The following HEATR5A variants were observed in gnomAD, a reference collection of about 807,000 sequenced individuals.
HEATR5A encodes HEAT repeat-containing protein 5A.
HEATR5A carries 178 observed loss-of-function variants against 218.8 expected under a neutral mutation model. The ratio of observed to expected loss-of-function variants is 0.81; its 90% CI spans 0.72 to 0.92. HEATR5A has a LOEUF of 0.92. Among genes scored for constraint, HEATR5A ranks in the 40% least tolerant of loss-of-function variants. The pLI is 0.00. For synonymous variants in HEATR5A, 864 were observed against 871.6 expected, an observed-to-expected ratio of 0.99 and a Z score of 0.15; for missense variants, 2,420 against 2,418.9, an observed-to-expected ratio of 1.00 and a Z score of -0.01.
At chr14:31,391,514 T>C (rs1410221886) in intron 6 of HEATR5A, among the ~76,000 whole-genome samples, 2 of 150,492 alleles carry the variant, frequency 1.3e-5, no homozygotes, top group Non-Finnish European at 2.9e-5. Flanking sequence ...TAAAAAACTT[T>C]TAGTAAACAA....
Position 31,323,910 on chromosome 14 carries a change from A to T in HEATR5A, c.3548-106T>A. ...TTCAAATTCAGACTAGAATTGCTCA[A>T]CTATCAATTGCTACTGATCAATCAT... On this transcript the variant is annotated intron_variant, in intron 23 of 35. Transcript: ENST00000543095. 4.3e-6 allele frequency: 3 copies of T among 700,718 alleles called. No homozygotes were observed. In the South Asian group the frequency reaches 6.3e-5, roughly 15 times the overall value. The allele number at this position is 700,718 out of a possible 1,614,324, so 43.4% of individuals were successfully genotyped here. A position where few individuals can be genotyped will look rare whatever the true frequency, so the allele number is the denominator to read the frequency against.
Position 31,293,328 on chromosome 14 carries a change from G to T in HEATR5A, c.6118C>A (p.Gln2040Lys). The T allele has an allele frequency of 6.3e-7, 1 of 1,591,532 alleles. No homozygotes were observed. The highest frequency in any genetic ancestry group is 8.5e-7 in the Non-Finnish European group (1 of 1,172,960). Residue 2040 changes from glutamine (Q) to lysine (K), a missense_variant, in exon 36 of 36, where the codon CAA (glutamine) becomes AAA (lysine). Transcript: ENST00000543095. ...TKSPGKNSSI[Q>K]LKTSFL ...AATCAGAGGAAACTGGTCTTTAATT[G>T]GATGCTTGAGTTTTTTCCAGGACTC...
intron 5 of HEATR5A, among the ~76,000 whole-genome samples, chr14:31,394,461 T>C (rs188196202): frequency 6.6e-5 from 10 of 152,166 alleles, no homozygotes; most frequent in East Asian, 1.9e-4. Context: ...CCACAGGTTA[T>C]GAAAAATGCC....
chr14:31,324,249 T>C (rs1290259199), intron 23 of HEATR5A, among the ~76,000 whole-genome samples: 2 of 152,138 alleles, frequency 1.3e-5, no homozygotes, highest in East Asian at 3.9e-4. Flanking sequence ...GGTTCCTGAA[T>C]CTACTGAAAT....
chr14:31,349,838 C>T lies in HEATR5A; in HGVS notation c.2659G>A (p.Val887Ile), dbSNP rs759393754. Residue 887 changes from valine to isoleucine, a missense_variant, in exon 18 of 36, where the codon GTA (valine) becomes ATA (isoleucine). By Grantham distance (29) the Val-to-Ile change is conservative (BLOSUM62 3). Transcript: ENST00000543095. ...AESWARLAQV[V>I]DDGAFTAGLA... ...CCAGCAGTAAAAGCTCCATCATCTA[C>T]CACTTGGGCTAATCTAGCCCATGAC... 11 of 1,613,102 alleles carry T rather than the reference C, an allele frequency of 6.8e-6. No individual in the cohort carries two copies. In the African/African-American group the frequency reaches 1.2e-4, roughly 18 times the overall value.
intron 22 of HEATR5A, among the ~76,000 whole-genome samples, chr14:31,331,034 T>G (rs1447433147): frequency 6.9e-6 from 1 of 145,372 alleles, no homozygotes; most frequent in African/African-American, 2.5e-5. Context: ...CTCTGCCTCC[T>G]GGGTTCAAAC....
chr14:31,307,803 G>A lies in HEATR5A; in HGVS notation c.4818+90C>T, dbSNP rs963500052. ...TGGTTTAGAAAAAAAATTTCTGTGT[G>A]TTTACTTTCTGTTAACTATAGAAAC... On this transcript the variant is annotated intron_variant, in intron 30 of 35. Transcript: ENST00000543095. 6 of 1,439,534 alleles carry A rather than the reference G, an allele frequency of 4.2e-6. No homozygotes were observed. The African/African-American group carries it at 5.8e-5, about 14-fold the overall frequency. The allele number at this position is 1,439,534 out of a possible 1,614,324, so 89.2% of individuals were successfully genotyped here.
intron 31 of HEATR5A, among the ~76,000 whole-genome samples, chr14:31,306,087 C>T (rs1337005602): frequency 6.6e-6 from 1 of 152,168 alleles, no homozygotes; most frequent in African/African-American, 2.4e-5. Flanking sequence ...GGATTTATTT[C>T]TTCCAGGTTT....
intron 22 of HEATR5A, among the ~76,000 whole-genome samples, chr14:31,336,068 C>A (rs1900641653): frequency 6.6e-6 from 1 of 150,476 alleles, no homozygotes; most frequent in African/African-American, 2.4e-5. Flanking sequence ...AACTCCTGGG[C>A]TCAAGCAATT....
Position 31,315,885 on chromosome 14 carries a change from T to G in HEATR5A, c.4103A>C (p.Gln1368Pro), listed in dbSNP as rs555852382. ...SDLNDLRRVHQLLVSSLTKIQ... is the reference protein window; with the variant it reads ...SDLNDLRRVHPLLVSSLTKIQ... ...TTTAGTTAACGATGAAACAAGCAAC[T>G]GATGAACTCTTCGGAGATCATTAAG... Residue 1368 changes from glutamine to proline, a missense_variant, in exon 27 of 36, where the codon CAG (glutamine) becomes CCG (proline). Transcript: ENST00000543095. 7 of 1,598,110 alleles carry G rather than the reference T, an allele frequency of 4.4e-6. No homozygotes were observed. In the East Asian group the frequency reaches 1.6e-4, roughly 36 times the overall value.
intron 11 of HEATR5A, among the ~76,000 whole-genome samples, chr14:31,379,873 A>G (rs1036119880): frequency 2.6e-5 from 4 of 152,118 alleles, no homozygotes; most frequent in African/African-American, 9.7e-5. Context: ...TAGGAGGATC[A>G]CTTGGGCCCA....
chr14:31,345,248 A>T lies in HEATR5A; in HGVS notation c.2897T>A (p.Ile966Asn). Residue 966 changes from isoleucine to asparagine, a missense_variant, in exon 20 of 36, where the codon ATC becomes AAC. Coordinates refer to ENST00000543095, the MANE Select transcript of HEATR5A (RefSeq NM_015473.4). ...QTWALHSLSLIIDSAGPLYYV... is the reference protein window; with the variant it reads ...QTWALHSLSLNIDSAGPLYYV... The stretch of plus-strand genomic sequence containing the variant: ...ATAGAGTGGGCCAGCAGAATCAATG[A>T]TCAATGATAGAGAATGTAATGCCCA... 1.2e-6 allele frequency: 2 copies of T among 1,613,028 alleles called. No individual in the cohort carries two copies. The highest frequency in any genetic ancestry group is 1.7e-6 in the Non-Finnish European group (2 of 1,179,298).
intron 22 of HEATR5A, among the ~76,000 whole-genome samples, chr14:31,328,443 T>G (rs1339305140): frequency 6.6e-6 from 1 of 152,192 alleles, no homozygotes; most frequent in East Asian, 1.9e-4. Flanking sequence ...GGACATTTTT[T>G]GGATGACTAG....
intron 21 of HEATR5A, among the ~76,000 whole-genome samples, chr14:31,342,858 G>A (rs1900883638): frequency 6.6e-6 from 1 of 152,198 alleles, no homozygotes; most frequent in African/African-American, 2.4e-5. Flanking sequence ...CTACACGACA[G>A]ATTTTTAAGA....
intron 13 of HEATR5A, among the ~76,000 whole-genome samples, chr14:31,366,340 T>C (rs76619699): frequency 2.0e-5 from 3 of 152,180 alleles, no homozygotes; most frequent in Non-Finnish European, 1.5e-5. Context: ...ATAAATCTAC[T>C]GCACTTTTAT....
chr14:31,323,272 TGCCTCA>T (rs933416245), intron 24 of HEATR5A, among the ~76,000 whole-genome samples: 1 of 152,194 alleles, frequency 6.6e-6, no homozygotes, highest in Non-Finnish European at 1.5e-5. Context: ...GTGATATTCC[TGCCTCA>T]GCCTCCCCAG....
intron 30 of HEATR5A, 123 bp from the exon 31 acceptor site, chr14:31,307,002 C>T (rs1899575423): frequency 8.8e-6 from 7 of 792,290 alleles, no homozygotes; most frequent in South Asian, 2.1e-5. Flanking sequence ...TGCTTTAGTG[C>T]AATAAAGTTA....
intron 22 of HEATR5A, among the ~76,000 whole-genome samples, chr14:31,328,415 G>A (rs946234169): frequency 5.9e-5 from 9 of 152,150 alleles, no homozygotes; most frequent in African/African-American, 1.9e-4. Flanking sequence ...GTGGCAGTGA[G>A]GGGAGAGGAA....
chr14:31,305,634 A>G (rs1403404742), intron 31 of HEATR5A, among the ~76,000 whole-genome samples: 2 of 152,208 alleles, frequency 1.3e-5, no homozygotes, highest in African/African-American at 4.8e-5. Context: ...AGGTAAAAGT[A>G]ATCATCTTTA....
Sources: allele counts gnomAD v4.1 joint callset (sites outside exome capture counted in the v4.1 genomes callset), GRCh38; gene constraint gnomAD v4.1.1; transcripts MANE v1.5; gene names NCBI Gene and HGNC (gene_info 2026-07-23, HGNC 2026-07-21).